GPR141: variants seen among roughly 807,000 people sequenced by gnomAD.
GPR141 encodes the protein probable G protein-coupled receptor 141.
A neutral mutation model predicts 6.8 loss-of-function variants in GPR141; 6 were observed. The observed-to-expected ratio is 0.88, with a 90% confidence interval of 0.48 to 1.74. The LOEUF (loss-of-function observed/expected upper bound fraction) is 1.74. Ranked by LOEUF, GPR141 falls within the 40% of genes most tolerant of loss-of-function variation. The pLI is 0.01. For synonymous variants in GPR141, 140 were observed against 142.3 expected, an observed-to-expected ratio of 0.98 and a Z score of 0.11; for missense variants, 372 against 372.9, an observed-to-expected ratio of 1.00 and a Z score of 0.02.
At chr7:37,723,202 A>G (rs1400642228) in intron 2 of GPR141, among the ~76,000 whole-genome samples, 1 of 151,926 alleles carries the variant, frequency 6.6e-6, no homozygotes, top group Non-Finnish European at 1.5e-5. Flanking sequence ...CATGTTGGCC[A>G]TGCTCATCTT....
intron 2 of GPR141, among the ~76,000 whole-genome samples, chr7:37,721,227 C>G (rs1811310335): frequency 6.6e-6 from 1 of 150,406 alleles, no homozygotes; most frequent in Non-Finnish European, 1.5e-5. Context: ...AGTTGCTTAA[C>G]TTTTCCGAGC....
intron 2 of GPR141, among the ~76,000 whole-genome samples, chr7:37,697,882 T>G (rs1029379408): frequency 1.3e-5 from 2 of 152,166 alleles, no homozygotes; most frequent in Non-Finnish European, 2.9e-5. Flanking sequence ...TCTCATCTTG[T>G]ATAGTAAGTG....
At chr7:37,689,929 C>T (rs1809680743) in intron 2 of GPR141, among the ~76,000 whole-genome samples, 1 of 150,688 alleles carries the variant, frequency 6.6e-6, no homozygotes, top group African/African-American at 2.4e-5. Flanking sequence ...TTATTTCTTT[C>T]CTTCTTCTAA....
chr7:37,733,212 C>T (rs1471131608), intron 2 of GPR141, among the ~76,000 whole-genome samples: 1 of 152,100 alleles, frequency 6.6e-6, no homozygotes, highest in Non-Finnish European at 1.5e-5. Context: ...TCTACAGGTG[C>T]TTTTATTATC....
chr7:37,736,900 A>G (rs1812266895), intron 2 of GPR141, among the ~76,000 whole-genome samples: 1 of 152,180 alleles, frequency 6.6e-6, no homozygotes, highest in Admixed American at 6.5e-5. Flanking sequence ...ACAAAAATAA[A>G]TGACTAGGGA....
chr7:37,718,980 A>G (rs1811183430), intron 2 of GPR141, among the ~76,000 whole-genome samples: 1 of 152,088 alleles, frequency 6.6e-6, no homozygotes, highest in Non-Finnish European at 1.5e-5. Context: ...GGTGGGGGAT[A>G]GGGTTGGAGG....
At chr7:37,708,878 C>T (rs1177181345) in intron 2 of GPR141, among the ~76,000 whole-genome samples, 1 of 152,162 alleles carries the variant, frequency 6.6e-6, no homozygotes, top group Non-Finnish European at 1.5e-5. Context: ...ATTTTACATT[C>T]AAAGCGAACT....
intron 2 of GPR141, among the ~76,000 whole-genome samples, chr7:37,723,427 A>G (rs941728663): frequency 6.6e-6 from 1 of 152,146 alleles, no homozygotes; most frequent in Admixed American, 6.5e-5. Flanking sequence ...GAAAAAAAAA[A>G]AGTGAATGGC....
intron 2 of GPR141, among the ~76,000 whole-genome samples, chr7:37,706,119 G>A (rs917419977): frequency 2.0e-5 from 3 of 152,140 alleles, no homozygotes; most frequent in Non-Finnish European, 4.4e-5. Context: ...AGAAGCTCTC[G>A]GGCCTGCATG....
At chr7:37,726,651 G>C (rs559900469) in intron 2 of GPR141, among the ~76,000 whole-genome samples, 2 of 151,966 alleles carry the variant, frequency 1.3e-5, no homozygotes, top group Non-Finnish European at 2.9e-5. Flanking sequence ...GGATTGATTT[G>C]ATAATAAATA....
intron 2 of GPR141, among the ~76,000 whole-genome samples, chr7:37,730,506 C>T (rs769298247): frequency 3.3e-5 from 5 of 152,184 alleles, no homozygotes; most frequent in African/African-American, 4.8e-5. Context: ...CAGAGCTTTT[C>T]GTTTGATCAG....
intron 2 of GPR141, among the ~76,000 whole-genome samples, chr7:37,721,545 G>A (rs1811328761): frequency 6.6e-6 from 1 of 152,214 alleles, no homozygotes; most frequent in Non-Finnish European, 1.5e-5. Context: ...CCCTTTGGTG[G>A]TGTGGTGTTT....
At position 37,740,618 on chromosome 7, in the gene GPR141, C is replaced by G. The variant is rs1438084491; in HGVS notation, c.225C>G (p.Tyr75Ter). Reference sequence around the variant, plus strand: ...TGACAGTGCCATTTCGCTTGACCTACCTCATCAAGAAGACTTGGATGTTTG... The same window carrying G: ...TGACAGTGCCATTTCGCTTGACCTAGCTCATCAAGAAGACTTGGATGTTTG... ...FLLTVPFRLT[Y>*]LIKKTWMFGL... Residue 75 changes from tyrosine to a stop codon, truncating the protein, a stop_gained, in exon 3 of 3, where the codon TAC (tyrosine) becomes TAG (stop). Coordinates refer to ENST00000334425, the MANE Select transcript of GPR141 (RefSeq NM_001381946.1). LOFTEE classifies it low-confidence loss of function (END_TRUNC). 3 of 1,613,972 alleles carry G rather than the reference C, an allele frequency of 1.9e-6. No individual in the cohort carries two copies. The highest frequency in any genetic ancestry group is 2.5e-6 in the Non-Finnish European group (3 of 1,179,966).
chr7:37,684,072 A>C (rs1001590740), intron 1 of GPR141, among the ~76,000 whole-genome samples, 169 bp downstream of exon 1: 1 of 152,212 alleles, frequency 6.6e-6, no homozygotes, highest in East Asian at 1.9e-4. Context: ...GAATTGTTCT[A>C]TTCTTACTGC....
intron 2 of GPR141, among the ~76,000 whole-genome samples, chr7:37,708,021 A>C (rs1220693679): frequency 1.3e-5 from 2 of 152,178 alleles, no homozygotes; most frequent in Non-Finnish European, 2.9e-5. Context: ...CAGATGCTAA[A>C]GAAATTTCCT....
chr7:37,690,116 T>G (rs190683140), intron 2 of GPR141, among the ~76,000 whole-genome samples: 140 of 152,336 alleles, frequency 9.2e-4, no homozygotes, highest in Middle Eastern at 3.4e-3. Context: ...TTTCAAGAAA[T>G]TTTAAGATAT....
chr7:37,723,228 G>A (rs1431707623), intron 2 of GPR141, among the ~76,000 whole-genome samples: 1 of 151,844 alleles, frequency 6.6e-6, no homozygotes. Flanking sequence ...CCTAACCTCA[G>A]GTGATCCACC....
At chr7:37,710,532 C>CAACG (rs1810744091) in intron 2 of GPR141, among the ~76,000 whole-genome samples, 1 of 152,194 alleles carries the variant, frequency 6.6e-6, no homozygotes, top group Non-Finnish European at 1.5e-5. Context: ...GCCAAATAGC[C>CAACG]AACTACTGTT....
At chr7:37,718,093 G>A (rs1377904646) in intron 2 of GPR141, among the ~76,000 whole-genome samples, 1 of 151,792 alleles carries the variant, frequency 6.6e-6, no homozygotes, top group Non-Finnish European at 1.5e-5. Flanking sequence ...AGTATTTGGT[G>A]TTTACTAGGT....
Sources: allele counts gnomAD v4.1 joint callset (sites outside exome capture counted in the v4.1 genomes callset), GRCh38; gene constraint gnomAD v4.1.1; transcripts MANE v1.5; gene names NCBI Gene and HGNC (gene_info 2026-07-23, HGNC 2026-07-21).